The following RIPK4 variants were observed in gnomAD, a reference collection of about 807,000 sequenced individuals.
RIPK4 encodes receptor-interacting serine/threonine-protein kinase 4.
Under a neutral mutation model 42.9 loss-of-function variants are expected in RIPK4, and 17 were observed. That is an observed-to-expected ratio of 0.40 (90% CI 0.27 to 0.59). RIPK4 has a LOEUF of 0.59. Ranked by LOEUF, RIPK4 falls within the 20% of genes least tolerant of loss-of-function variation. The pLI is 0.47. For missense variants in RIPK4, 897 were observed against 1,104.4 expected, an observed-to-expected ratio of 0.81 and a Z score of 2.66; for synonymous variants, 498 against 499.1, an observed-to-expected ratio of 1.00 and a Z score of 0.03.
chr21:41,755,371 C>T lies in RIPK4; in HGVS notation c.474+1154G>A, dbSNP rs890897924. On this transcript the variant is annotated intron_variant, in intron 2 of 7. Transcript: ENST00000332512. The surrounding 1 kb of genome is among the most constrained non-coding windows in gnomAD (Gnocchi z 4.2). ...GCCCGAAGTGAAAAATTGACCTCCT[C>T]ACCACCGCCCTGGCTGAGCAAGGCA... is the stretch of plus-strand genomic sequence containing the variant. Among the ~76,000 whole-genome samples, 2 of 152,168 alleles carry T rather than the reference C, an allele frequency of 1.3e-5. No homozygotes were observed. Among genetic ancestry groups the T allele is most frequent in the Non-Finnish European group, 2.9e-5 (2 of 68,024 alleles).
At chr21:41,762,356 T>G (rs2061223209) in intron 1 of RIPK4, among the ~76,000 whole-genome samples, 1 of 152,190 alleles carries the variant, frequency 6.6e-6, no homozygotes, top group South Asian at 2.1e-4. Context: ...AGCCTGGATT[T>G]CGCTCAGAAG....
Position 41,749,029 on chromosome 21 carries a change from C to A in RIPK4, c.673+125G>T, listed in dbSNP as rs1474086213. 4 of 969,082 alleles carry A rather than the reference C, an allele frequency of 4.1e-6. No homozygotes were observed. The African/African-American group carries it at 4.8e-5, about 12-fold the overall frequency. 60.0% of individuals were successfully genotyped at this position (969,082 alleles called of 1,614,324 possible). The stretch of plus-strand genomic sequence containing the variant: ...CTTTTCCTGCATGCAAATTACACCA[C>A]AGAGCAGCACCTATGGCAGCGTGGA... On this transcript the variant is annotated intron_variant, in intron 4 of 7. Transcript: ENST00000332512.
chr21:41,763,675 C>T (rs930091041), intron 1 of RIPK4, among the ~76,000 whole-genome samples: 4 of 152,222 alleles, frequency 2.6e-5, no homozygotes, highest in African/African-American at 9.6e-5. Flanking sequence ...CAATTATGTT[C>T]CCAGGGAGCC....
intron 3 of RIPK4, 117 bp from the exon 4 acceptor site, chr21:41,749,320 A>G (rs2061181119): frequency 4.2e-6 from 4 of 942,542 alleles, no homozygotes; most frequent in South Asian, 2.8e-5. Flanking sequence ...AGACAGAGCC[A>G]TGACACCGAG....
At position 41,751,363 on chromosome 21, in the gene RIPK4, C is replaced by G; in HGVS notation, c.475-118G>C. 7.4e-7 allele frequency: 1 copy of G among 1,359,860 alleles called. No individual in the cohort carries two copies. The highest frequency in any genetic ancestry group is 9.9e-7 in the Non-Finnish European group (1 of 1,005,984). 84.2% of individuals were successfully genotyped at this position (1,359,860 alleles called of 1,614,324 possible). ...GTGGGTGAGAGCTTTCCAGGAGCCC[C>G]TAAGAGCCGTGTCTGTGCCTCTCCA... On this transcript the variant is annotated intron_variant, in intron 2 of 7. Transcript: ENST00000332512. The surrounding 1 kb of genome is among the most constrained non-coding windows in gnomAD (Gnocchi z 4.5).
At chr21:41,750,802 C>T (rs545508273) in intron 3 of RIPK4, among the ~76,000 whole-genome samples, 40 of 152,294 alleles carry the variant, frequency 2.6e-4, no homozygotes, top group Admixed American at 2.2e-3. Context: ...ACCTCAGTCC[C>T]GAGTAGCTGG....
At chr21:41,759,931 C>A (rs546989012) in intron 1 of RIPK4, among the ~76,000 whole-genome samples, 20 of 152,202 alleles carry the variant, frequency 1.3e-4, no homozygotes, top group African/African-American at 4.8e-4. Flanking sequence ...TGTCTGCCCC[C>A]CAACAATGCA....
rs921272288 is a variant in RIPK4, at chr21:41,742,672, C to T, written c.1196-675G>A. Among the ~76,000 whole-genome samples, 1 of 152,174 alleles carries T rather than the reference C, an allele frequency of 6.6e-6. No individual in the cohort carries two copies. The highest frequency in any genetic ancestry group is 1.9e-4 in the East Asian group (1 of 5,202). Reference sequence around the variant, plus strand: ...CTCTCCTCCGCCCTCATGTGAAACGCGTGGGGACTTGGAAGTCGGCGGTGG... The same window carrying T: ...CTCTCCTCCGCCCTCATGTGAAACGTGTGGGGACTTGGAAGTCGGCGGTGG... On this transcript the variant is annotated intron_variant, in intron 7 of 7. Coordinates refer to ENST00000332512, the MANE Select transcript of RIPK4 (RefSeq NM_020639.3). The surrounding 1 kb of genome is among the most constrained non-coding windows in gnomAD (Gnocchi z 5.1).
At chr21:41,748,285 G>A (rs913835953) in intron 4 of RIPK4, among the ~76,000 whole-genome samples, 2 of 152,188 alleles carry the variant, frequency 1.3e-5, no homozygotes, top group Admixed American at 1.3e-4. Flanking sequence ...TCTGAGCCCC[G>A]ACTAACAAGG....
At chr21:41,745,941 C>T in intron 5 of RIPK4, 79 bp from the exon 6 acceptor site, 1 of 1,171,742 alleles carries the variant, frequency 8.5e-7, no homozygotes, top group African/African-American at 1.5e-5. Context: ...CGCAGGGCCC[C>T]CACGAGCTGG....
intron 2 of RIPK4, among the ~76,000 whole-genome samples, chr21:41,754,046 T>C (rs1418557831): frequency 6.6e-6 from 1 of 152,186 alleles, no homozygotes. Flanking sequence ...ATTTCCAGTT[T>C]GAATCGAGCC....
At chr21:41,743,208 C>T (rs2061159957) in intron 7 of RIPK4, among the ~76,000 whole-genome samples, 1 of 152,100 alleles carries the variant, frequency 6.6e-6, no homozygotes, top group Non-Finnish European at 1.5e-5. Flanking sequence ...CCTTCAGGAA[C>T]AGGGCAGGAC....
intron 6 of RIPK4, among the ~76,000 whole-genome samples, chr21:41,744,969 C>T (rs916783952): frequency 3.3e-5 from 5 of 152,180 alleles, no homozygotes; most frequent in African/African-American, 4.8e-5. Context: ...CACCTGTTTG[C>T]CCCAACTCCC....
rs753871258 is a variant in RIPK4 at position 41,744,026 on chromosome 21, C to T, written c.1051G>A (p.Glu351Lys). ...SGVSQAVEGP[E>K]ELSRSSSESK... ...TCAGAGGAGCTGCGGCTGAGCTCCT[C>T]GGGGCCCTCGACAGCCTGGGAAACT... The change falls in exon 7 of 8, where the codon GAG becomes AAG. Residue 351 changes from glutamate (E) to lysine (K), a missense_variant. Glu to Lys is a moderately conservative substitution (Grantham distance 56, BLOSUM62 1). Coordinates refer to ENST00000332512, the MANE Select transcript of RIPK4 (RefSeq NM_020639.3). 17 of 1,613,062 alleles carry T rather than the reference C, an allele frequency of 1.1e-5. No homozygotes were observed. The highest frequency in any genetic ancestry group is 6.7e-5 in the Admixed American group (4 of 59,980).
intron 4 of RIPK4, 129 bp from the exon 5 acceptor site, chr21:41,746,900 T>TC: frequency 9.7e-7 from 1 of 1,026,774 alleles, no homozygotes; most frequent in South Asian, 1.6e-5. Context: ...GGGAGACGGC[T>TC]CCCCCACTCC....
At position 41,742,059 on chromosome 21, in the gene RIPK4, T is replaced by G; in HGVS notation, c.1196-62A>C. On this transcript the variant is annotated intron_variant, in intron 7 of 7. Transcript: ENST00000332512. This position sits in a 1 kb window ranked among gnomAD's most constrained non-coding sequence, Gnocchi z 5.1. Reference sequence around the variant, plus strand: ...TGCACATCCAGGGACGTGGCGTCTCTGGGAGCCTGGCTGTGGCGCTCAGGT... The same window carrying G: ...TGCACATCCAGGGACGTGGCGTCTCGGGGAGCCTGGCTGTGGCGCTCAGGT... 10 of 1,442,552 alleles carry G rather than the reference T, an allele frequency of 6.9e-6. No individual in the cohort carries two copies. Among genetic ancestry groups the G allele is most frequent in the Non-Finnish European group, 6.6e-6 (7 of 1,068,048 alleles). The allele number at this position is 1,442,552 out of a possible 1,614,324, so 89.4% of individuals were successfully genotyped here.
Position 41,744,002 on chromosome 21 carries a change from C to CA in RIPK4, c.1074dup (p.Glu359Ter), listed in dbSNP as rs1569100177. ...CTGCCGGACGATGGCAGCTTGGACT[C>CA]AGAGGAGCTGCGGCTGAGCTCCTCG... On this transcript the variant is annotated frameshift_variant, in exon 7 of 8. Transcript: ENST00000332512. LOFTEE classifies it high-confidence loss of function. The CA allele has an allele frequency of 1.2e-6, 2 of 1,613,418 alleles. No individual in the cohort carries two copies. Among genetic ancestry groups the CA allele is most frequent in the Non-Finnish European group, 1.7e-6 (2 of 1,180,014 alleles).
chr21:41,757,998 C>CCAAAAAAAA (rs1479763213), intron 1 of RIPK4, among the ~76,000 whole-genome samples: 4 of 13,078 alleles, frequency 3.1e-4, no homozygotes, highest in African/African-American at 8.8e-4. Context: ...GACTCCATAA[C>CCAAAAAAAA]AAAAAAAAAA....
At chr21:41,749,904 A>G (rs1219712276) in intron 3 of RIPK4, among the ~76,000 whole-genome samples, 3 of 151,778 alleles carry the variant, frequency 2.0e-5, no homozygotes, top group Non-Finnish European at 4.4e-5. Flanking sequence ...AAAAAAAAAA[A>G]AAAAAGAAAA....
Sources: gnomAD v4.1 joint callset for allele counts (sites outside exome capture counted in the v4.1 genomes callset) on GRCh38, gnomAD v4.1.1 for gene constraint, Gnocchi (gnomAD v3.1) non-coding constraint, MANE v1.5 for transcripts, NCBI Gene and HGNC (gene_info 2026-07-23, HGNC 2026-07-21) for gene names.